CDK12: variants seen among roughly 807,000 people sequenced by gnomAD.
CDK12 encodes the protein cyclin dependent kinase 12.
In CDK12, 17 loss-of-function variants were observed where a neutral mutation model predicts 133.8. The observed-to-expected ratio is 0.13, with a 90% CI of 0.09 to 0.19. CDK12 has a LOEUF of 0.19. CDK12 is among the 10% of genes least tolerant of loss of function. CDK12 has a pLI of 1.00. For missense variants in CDK12, 1,508 were observed against 1,818.7 expected (o/e 0.83, Z 3.11); for synonymous variants, 694 against 683.6 (o/e 1.02, Z -0.24).
intron 3 of CDK12, among the ~76,000 whole-genome samples, chr17:39,562,132 G>T (rs2056396533): frequency 6.6e-6 from 1 of 152,090 alleles, no homozygotes; most frequent in Non-Finnish European, 1.5e-5. Context: ...TAGAGACGGG[G>T]TTTCACCATG....
chr17:39,559,089 T>C (rs918615082), intron 3 of CDK12, among the ~76,000 whole-genome samples: 2 of 152,240 alleles, frequency 1.3e-5, no homozygotes, highest in African/African-American at 4.8e-5. Context: ...GAATTCTACA[T>C]TGGAAACACA....
At position 39,471,515 on chromosome 17, in the gene CDK12, A is replaced by G; in HGVS notation, c.1683A>G (p.Pro561=). 6.3e-7 allele frequency: 1 copy of G among 1,597,758 alleles called. No individual in the cohort carries two copies. Among genetic ancestry groups the G allele is most frequent in the Non-Finnish European group, 8.5e-7 (1 of 1,176,776 alleles). The change falls in exon 2 of 14, where the codon CCA becomes CCG. Residue 561 remains proline (P), a synonymous_variant. Coordinates refer to ENST00000447079, the MANE Select transcript of CDK12 (RefSeq NM_016507.4). ...LPPLPPIPAL[P]QQPPLPPSQP... ...CTTTGCCTCCAATACCAGCTCTTCCACAGCAACCACCTCTGCCTCCTTCTC... is the reference window on the plus strand; with the variant it reads ...CTTTGCCTCCAATACCAGCTCTTCCGCAGCAACCACCTCTGCCTCCTTCTC...
At chr17:39,541,944 C>T (rs905340664) in intron 1 of CDK12, among the ~76,000 whole-genome samples, 2 of 152,174 alleles carry the variant, frequency 1.3e-5, no homozygotes, top group Non-Finnish European at 2.9e-5. Flanking sequence ...CGCAGTCGCA[C>T]AGCGAGTTAA....
At chr17:39,464,951 CA>C (rs562143259) in intron 1 of CDK12, among the ~76,000 whole-genome samples, 312 of 128,522 alleles carry the variant, frequency 2.4e-3, no homozygotes, top group African/African-American at 2.2e-3. Flanking sequence ...GACCCTGTCT[CA>C]AAAAAAAAAA....
At chr17:39,466,615 G>GGAAAAAA (rs1567677231) in intron 1 of CDK12, among the ~76,000 whole-genome samples, 2 of 31,434 alleles carry the variant, frequency 6.4e-5, no homozygotes, top group African/African-American at 9.9e-5. Context: ...AACTCTATCT[G>GGAAAAAA]AAAAAAAAAA....
chr17:39,496,920 T>C (rs2052166236), intron 5 of CDK12, among the ~76,000 whole-genome samples: 1 of 30,078 alleles, frequency 3.3e-5, no homozygotes, highest in Non-Finnish European at 1.5e-4. Flanking sequence ...ATCTTTTTTT[T>C]TTTTTTTTTT....
rs188311576 is a variant in CDK12 at position 39,522,723 on chromosome 17, C to T, written c.3096-1951C>T. 6.6e-3 allele frequency among the ~76,000 whole-genome samples: 1,003 copies of T among 152,130 alleles called. 7 individuals carry two copies. Among genetic ancestry groups the T allele is most frequent in the South Asian group, 0.011 (53 of 4,814 alleles). ...TGCTGTGATTATAGGCGTGAGCTAC[C>T]GCACCCAGCCAGATTACTGAATTTT... On this transcript the variant is annotated intron_variant, in intron 11 of 13. Transcript: ENST00000447079.
chr17:39,490,827 G>A (rs1382355930), intron 3 of CDK12, 94 bp downstream of exon 3: 1 of 880,650 alleles, frequency 1.1e-6, no homozygotes, highest in African/African-American at 1.7e-5. Context: ...ACACCAGTAA[G>A]ATCGTAGAAG....
At chr17:39,550,431 C>T (rs1354423960) in exon 1 of CDK12, 1 of 152,216 alleles carries the variant, frequency 6.6e-6, no homozygotes, top group Non-Finnish European at 1.5e-5. Context: ...AAATCACAGC[C>T]AGAATATAAG....
chr17:39,544,500 CAG>C, upstream of CDK12: 1 of 287,250 alleles, frequency 3.5e-6, no homozygotes, highest in Non-Finnish European at 6.9e-6. Context: ...TTTTTTGAGA[CAG>C]AGTCTCACTC....
At chr17:39,526,953 AAAAG>A (rs1567785428) in intron 13 of CDK12, among the ~76,000 whole-genome samples, 2 of 152,234 alleles carry the variant, frequency 1.3e-5, no homozygotes, top group Non-Finnish European at 2.9e-5. Context: ...ATAAAGAAAA[AAAAG>A]GAAAATGGGG....
chr17:39,536,405 C>T (rs1346678547), downstream of CDK12, among the ~76,000 whole-genome samples: 1 of 152,140 alleles, frequency 6.6e-6, no homozygotes, highest in Non-Finnish European at 1.5e-5. Context: ...ACCATACTTT[C>T]TTATTGCTAG....
intron 5 of CDK12, among the ~76,000 whole-genome samples, chr17:39,497,397 G>A (rs1259218484): frequency 2.6e-5 from 4 of 151,948 alleles, no homozygotes; most frequent in Admixed American, 1.3e-4. Flanking sequence ...GCGAAAATTC[G>A]CTGGGCATGG....
upstream of CDK12, among the ~76,000 whole-genome samples, chr17:39,547,285 G>A (rs1044164802): frequency 1.1e-4 from 17 of 151,930 alleles, no homozygotes; most frequent in African/African-American, 2.2e-4. Context: ...ACAGGCATGC[G>A]CCACTATGCC....
chr17:39,519,528 G>A (rs536069854), intron 10 of CDK12, among the ~76,000 whole-genome samples: 1 of 150,932 alleles, frequency 6.6e-6, no homozygotes, highest in African/African-American at 2.4e-5. Context: ...CGATCCACCC[G>A]CTTCAGCCTC....
intron 6 of CDK12, among the ~76,000 whole-genome samples, chr17:39,506,328 C>T (rs935154963): frequency 2.7e-5 from 4 of 150,616 alleles, no homozygotes; most frequent in Non-Finnish European, 4.4e-5. Flanking sequence ...CCTTCTCCTG[C>T]CTCAGCCTTC....
rs780431887 is a variant in CDK12 at position 39,490,538 on chromosome 17, C to G, written c.1932-19C>G. Reference sequence around the variant, plus strand: ...ATCTTTAATTGTAATTTTGTCATCTCTTCTCATTTATTGTTTAGTCCAAAA... The same window carrying G: ...ATCTTTAATTGTAATTTTGTCATCTGTTCTCATTTATTGTTTAGTCCAAAA... On this transcript the variant is annotated intron_variant, in intron 2 of 13. Coordinates refer to ENST00000447079, the MANE Select transcript of CDK12 (RefSeq NM_016507.4). The G allele has an allele frequency of 2.0e-5, 31 of 1,559,492 alleles. No individual in the cohort carries two copies. Among genetic ancestry groups the G allele is most frequent in the Non-Finnish European group, 2.5e-5 (29 of 1,147,966 alleles).
intron 5 of CDK12, among the ~76,000 whole-genome samples, chr17:39,499,364 A>T (rs1293294447): frequency 1.3e-5 from 2 of 149,626 alleles, no homozygotes; most frequent in African/African-American, 2.5e-5. Context: ...GCACGCCACC[A>T]CGTCCAGGTA....
chr17:39,495,277 T>C (rs897154136), intron 5 of CDK12, among the ~76,000 whole-genome samples: 89 of 150,496 alleles, frequency 5.9e-4, no homozygotes, highest in African/African-American at 2.0e-3. Context: ...GAGGTTTCGC[T>C]ATGTTCGTCG....
Sources: allele counts gnomAD v4.1 joint callset (sites outside exome capture counted in the v4.1 genomes callset), GRCh38; gene constraint gnomAD v4.1.1; transcripts MANE v1.5; gene names NCBI Gene and HGNC (gene_info 2026-07-23, HGNC 2026-07-21).